RAPGEF4: variants seen among roughly 807,000 people sequenced by gnomAD.
The protein encoded by RAPGEF4 is RAP guanine-nucleotide-exchange factor (GEF) 4.
Under a neutral mutation model 147.9 loss-of-function variants are expected in RAPGEF4, and 66 were observed. That is an observed-to-expected ratio of 0.45 (90% confidence interval 0.37 to 0.55). The LOEUF (loss-of-function observed/expected upper bound fraction) is 0.55. Among genes scored for constraint, RAPGEF4 ranks in the 20% least tolerant of loss-of-function variants. The pLI, the probability that RAPGEF4 is intolerant of heterozygous loss-of-function variation, is 0.00. For missense variants in RAPGEF4, 1,071 were observed against 1,257.3 expected (o/e 0.85, Z 2.24); for synonymous variants, 419 against 442.7 (o/e 0.95, Z 0.67).
At chr2:172,810,450 A>G (rs1337908218) in intron 3 of RAPGEF4, among the ~76,000 whole-genome samples, 1 of 152,246 alleles carries the variant, frequency 6.6e-6, no homozygotes. Context: ...GCAGATCAAC[A>G]TGCATGCTGC....
Position 173,019,735 on chromosome 2 carries a change from T to C in RAPGEF4, c.2156-883T>C, listed in dbSNP as rs1362611348. Among the ~76,000 whole-genome samples the C allele has an allele frequency of 4.6e-5, 7 of 152,216 alleles. No individual in the cohort carries two copies. In the East Asian group the frequency reaches 5.8e-4, roughly 13 times the overall value. On this transcript the variant is annotated intron_variant, in intron 22 of 30. Coordinates refer to ENST00000397081, the MANE Select transcript of RAPGEF4 (RefSeq NM_007023.4). ...GATGTCTGCCCTCCCTGACCCCTTG[T>C]CACCTTCCCATAGATATCCCAGGTC...
intron 10 of RAPGEF4, among the ~76,000 whole-genome samples, chr2:172,978,655 G>A (rs1012795212): frequency 2.0e-5 from 3 of 152,192 alleles, no homozygotes; most frequent in African/African-American, 7.2e-5. Flanking sequence ...GCTGATTGAC[G>A]CAGAGCTGTC....
At chr2:172,853,127 T>C (rs376236181) in intron 4 of RAPGEF4, among the ~76,000 whole-genome samples, 1 of 152,204 alleles carries the variant, frequency 6.6e-6, no homozygotes, top group African/African-American at 2.4e-5. Flanking sequence ...TTATTAGATT[T>C]TGGTATCAGG....
intron 21 of RAPGEF4, among the ~76,000 whole-genome samples, chr2:173,017,864 C>T (rs187434363): frequency 1.4e-3 from 210 of 152,260 alleles, no homozygotes; most frequent in South Asian, 8.7e-3. Context: ...CACCAGCATC[C>T]TGCCCAGGGA....
chr2:172,824,074 A>T (rs13411719), intron 4 of RAPGEF4, among the ~76,000 whole-genome samples: 1 of 152,180 alleles, frequency 6.6e-6, no homozygotes, highest in Non-Finnish European at 1.5e-5. Flanking sequence ...GAGAGCCACA[A>T]ATTCTGTGAA....
chr2:172,938,728 A>C (rs1317652021), intron 6 of RAPGEF4, among the ~76,000 whole-genome samples: 1 of 152,176 alleles, frequency 6.6e-6, no homozygotes, highest in Non-Finnish European at 1.5e-5. Flanking sequence ...TGTGCTGTAA[A>C]GTTATATGAG....
intron 4 of RAPGEF4, among the ~76,000 whole-genome samples, chr2:172,866,253 A>G (rs1272365209): frequency 3.9e-5 from 6 of 152,050 alleles, no homozygotes; most frequent in South Asian, 4.2e-4. Flanking sequence ...ACACTCCTCA[A>G]TCCACGGTGA....
At chr2:172,888,867 A>T (rs748861202) in intron 4 of RAPGEF4, among the ~76,000 whole-genome samples, 1 of 152,180 alleles carries the variant, frequency 6.6e-6, no homozygotes, top group Non-Finnish European at 1.5e-5. Context: ...TAACTGCTGG[A>T]TGCTTCATGC....
chr2:172,797,268 C>T (rs1686472153), intron 2 of RAPGEF4, among the ~76,000 whole-genome samples: 2 of 152,182 alleles, frequency 1.3e-5, no homozygotes. Context: ...AAGTTATCAT[C>T]TTTATTACAG....
chr2:173,026,445 A>T, intron 23 of RAPGEF4, 127 bp from the exon 24 acceptor site: 6 of 1,030,156 alleles, frequency 5.8e-6, no homozygotes, highest in Non-Finnish European at 8.2e-6. Context: ...CTCTCCTCAG[A>T]GTTTCCAGAT....
At chr2:172,780,098 G>A (rs1684541102) in intron 1 of RAPGEF4, among the ~76,000 whole-genome samples, 1 of 151,970 alleles carries the variant, frequency 6.6e-6, no homozygotes. Flanking sequence ...TCTAGGGAAG[G>A]AAAAATTTTC....
intron 6 of RAPGEF4, among the ~76,000 whole-genome samples, chr2:172,953,999 T>G (rs1000672215): frequency 6.6e-6 from 1 of 152,218 alleles, no homozygotes; most frequent in Non-Finnish European, 1.5e-5. Context: ...GCCTTTATTA[T>G]GGTGAATGCT....
At chr2:172,845,950 G>A (rs116484635) in intron 4 of RAPGEF4, among the ~76,000 whole-genome samples, 226 of 152,254 alleles carry the variant, frequency 1.5e-3, no homozygotes, top group African/African-American at 5.2e-3. Flanking sequence ...CTGGGGTTGG[G>A]AATTAAGAGA....
chr2:172,824,717 A>G (rs964935883), intron 4 of RAPGEF4, among the ~76,000 whole-genome samples: 4 of 152,240 alleles, frequency 2.6e-5, no homozygotes, highest in African/African-American at 9.6e-5. Flanking sequence ...TTCTCTTAAC[A>G]GTCTGAGCAA....
At chr2:172,828,867 AT>A (rs1184261113) in intron 4 of RAPGEF4, among the ~76,000 whole-genome samples, 1 of 152,202 alleles carries the variant, frequency 6.6e-6, no homozygotes, top group Non-Finnish European at 1.5e-5. Context: ...TCAGCAGTTT[AT>A]TTTTAAAATC....
intron 15 of RAPGEF4, among the ~76,000 whole-genome samples, chr2:172,995,245 T>TTGTATGTG (rs1480501295): frequency 1.4e-5 from 2 of 138,590 alleles, no homozygotes; most frequent in African/African-American, 5.5e-5. Context: ...ACTTGCCTGT[T>TTGTATGTG]TGTGTGTGTG....
intron 20 of RAPGEF4, 92 bp downstream of exon 20, chr2:173,017,296 CT>C: frequency 2.0e-6 from 3 of 1,510,498 alleles, no homozygotes; most frequent in South Asian, 1.1e-5. Flanking sequence ...AAAGTGATTT[CT>C]TTTTTGTAGA....
chr2:172,838,626 T>G (rs1691231111), intron 4 of RAPGEF4, among the ~76,000 whole-genome samples: 1 of 151,724 alleles, frequency 6.6e-6, no homozygotes, highest in African/African-American at 2.4e-5. Flanking sequence ...ATATGGGTTT[T>G]AAAAACTATT....
intron 6 of RAPGEF4, among the ~76,000 whole-genome samples, chr2:172,930,811 C>T (rs1685840843): frequency 6.6e-6 from 1 of 152,168 alleles, no homozygotes; most frequent in South Asian, 2.1e-4. Context: ...GATTTATGAT[C>T]ACCCCATCCA....
Sources: gnomAD v4.1 joint callset for allele counts (sites outside exome capture counted in the v4.1 genomes callset) on GRCh38, gnomAD v4.1.1 for gene constraint, MANE v1.5 for transcripts, NCBI Gene and HGNC (gene_info 2026-07-23, HGNC 2026-07-21) for gene names.